ADGRL3: variants seen among roughly 807,000 people sequenced by gnomAD.
ADGRL3 encodes the protein adhesion G protein-coupled receptor L3, also known as calcium-independent alpha-latrotoxin receptor 3.
Under a neutral mutation model 153.5 loss-of-function variants are expected in ADGRL3, and 62 were observed. The ratio of observed to expected loss-of-function variants is 0.40; its 90% CI spans 0.33 to 0.50. The LOEUF (loss-of-function observed/expected upper bound fraction) is 0.50. ADGRL3 is among the 20% of genes least tolerant of loss of function. ADGRL3 has a pLI of 0.47. For missense variants in ADGRL3, 1,641 were observed against 1,859.4 expected (o/e 0.88, Z 2.16); for synonymous variants, 710 against 672.5 (o/e 1.06, Z -0.86).
At chr4:61,217,847 G>A (rs12499516) in intron 1 of ADGRL3, among the ~76,000 whole-genome samples, 63,921 of 151,974 alleles carry the variant, frequency 0.42, 13,844 homozygotes, top group Middle Eastern at 0.54. Context: ...CCTGAGAAAC[G>A]CTGTAGAAAT....
chr4:61,432,669 T>C (rs1440138010), intron 2 of ADGRL3, among the ~76,000 whole-genome samples: 4 of 144,192 alleles, frequency 2.8e-5, no homozygotes, highest in Admixed American at 2.1e-4. Flanking sequence ...TTTTTTTTTT[T>C]TGAGACAGAA....
intron 8 of ADGRL3, among the ~76,000 whole-genome samples, chr4:61,809,884 A>G (rs1161529287): frequency 6.6e-6 from 1 of 152,134 alleles, no homozygotes; most frequent in Non-Finnish European, 1.5e-5. Flanking sequence ...ACCTACGTAT[A>G]AATTCATCTA....
Position 62,071,030 on chromosome 4 carries a change from A to C in ADGRL3, c.*122A>C. ...TCTTTATGCTGTCCTCTAAAGACAA[A>C]CACAAACTCTCAGACTTTTTTTTTT... On this transcript the variant is annotated 3_prime_UTR_variant, in exon 27 of 27. Coordinates refer to ENST00000683033, the MANE Select transcript of ADGRL3 (RefSeq NM_001387552.1). 1.1e-6 allele frequency: 1 copy of C among 890,736 alleles called. No homozygotes were observed. The highest frequency in any genetic ancestry group is 1.7e-6 in the Non-Finnish European group (1 of 603,408). The allele number at this position is 890,736 out of a possible 1,614,324, so 55.2% of individuals were successfully genotyped here.
chr4:61,364,975 C>T (rs777902303), intron 1 of ADGRL3, among the ~76,000 whole-genome samples: 3 of 152,054 alleles, frequency 2.0e-5, no homozygotes, highest in Admixed American at 2.0e-4. Context: ...AAACCTTAGC[C>T]TGAGGTTGAA....
chr4:61,429,319 A>G (rs535138718), intron 2 of ADGRL3, among the ~76,000 whole-genome samples: 8 of 152,160 alleles, frequency 5.3e-5, no homozygotes, highest in Non-Finnish European at 1.0e-4. Context: ...TCATTGCACC[A>G]TGTTGCCTAC....
intron 2 of ADGRL3, among the ~76,000 whole-genome samples, chr4:61,410,653 T>C (rs1222453496): frequency 6.6e-6 from 1 of 152,182 alleles, no homozygotes; most frequent in Admixed American, 6.5e-5. Flanking sequence ...GGACAGGTGA[T>C]CTCCAAGTGA....
chr4:61,284,945 T>G (rs1292834179), intron 1 of ADGRL3, among the ~76,000 whole-genome samples: 4 of 150,458 alleles, frequency 2.7e-5, no homozygotes, highest in African/African-American at 1.0e-4. Context: ...CTCTTTGTTT[T>G]TTCATGTATG....
At chr4:61,847,118 G>T (rs948721434) in intron 9 of ADGRL3, among the ~76,000 whole-genome samples, 1 of 151,732 alleles carries the variant, frequency 6.6e-6, no homozygotes, top group African/African-American at 2.4e-5. Flanking sequence ...TATCATATGG[G>T]TATTAGATAA....
At chr4:61,616,894 A>G (rs1164076287) in intron 5 of ADGRL3, among the ~76,000 whole-genome samples, 3 of 152,068 alleles carry the variant, frequency 2.0e-5, no homozygotes, top group African/African-American at 7.2e-5. Context: ...GCCTCGAGCA[A>G]TACTTCTGCC....
intron 8 of ADGRL3, among the ~76,000 whole-genome samples, chr4:61,758,865 G>T (rs2096872695): frequency 6.6e-6 from 1 of 152,152 alleles, no homozygotes; most frequent in Non-Finnish European, 1.5e-5. Context: ...GCTCTTGTAG[G>T]GCAGGCCTGG....
chr4:62,010,763 C>A (rs1033341742), intron 21 of ADGRL3, among the ~76,000 whole-genome samples: 1 of 152,034 alleles, frequency 6.6e-6, no homozygotes, highest in African/African-American at 2.4e-5. Context: ...GTAGAACTCA[C>A]TCTAATATTT....
rs374022742 is a variant in ADGRL3, at chr4:61,247,849, G to T, written c.-240+46084G>T. Among the ~76,000 whole-genome samples, 19 of 152,102 alleles carry T rather than the reference G, an allele frequency of 1.2e-4. No individual in the cohort carries two copies. In the East Asian group the frequency reaches 2.9e-3, roughly 23 times the overall value. On this transcript the variant is annotated intron_variant, in intron 1 of 26. Coordinates refer to ENST00000683033, the MANE Select transcript of ADGRL3 (RefSeq NM_001387552.1). ...TTTATACATCAGGAGCAATTGTCAA[G>T]AATGATACCATAACGATACTTTATA...
chr4:61,665,594 C>G (rs1014550963), intron 5 of ADGRL3, among the ~76,000 whole-genome samples: 2 of 152,142 alleles, frequency 1.3e-5, no homozygotes, highest in Non-Finnish European at 2.9e-5. Context: ...CTGGTTAAAT[C>G]TCTGAATTAA....
chr4:61,580,284 A>G (rs1031770074), intron 4 of ADGRL3, among the ~76,000 whole-genome samples: 2 of 151,954 alleles, frequency 1.3e-5, no homozygotes, highest in Admixed American at 1.3e-4. Context: ...TCTTTTTTTC[A>G]TATGATCAGT....
At chr4:61,392,325 C>T (rs943232407) in intron 2 of ADGRL3, among the ~76,000 whole-genome samples, 2 of 151,912 alleles carry the variant, frequency 1.3e-5, no homozygotes, top group Admixed American at 1.3e-4. Context: ...CTGTTTTATT[C>T]TAATTAAAGC....
At chr4:61,820,967 A>G (rs1324006883) in intron 9 of ADGRL3, among the ~76,000 whole-genome samples, 2 of 152,206 alleles carry the variant, frequency 1.3e-5, no homozygotes, top group African/African-American at 4.8e-5. Context: ...TGTTAAAGGT[A>G]AATCAGAATC....
chr4:61,853,045 T>C (rs973988557), intron 9 of ADGRL3, among the ~76,000 whole-genome samples: 4 of 151,970 alleles, frequency 2.6e-5, no homozygotes, highest in African/African-American at 9.7e-5. Context: ...TGAGACAGAG[T>C]CTCGCTCTGT....
intron 6 of ADGRL3, among the ~76,000 whole-genome samples, chr4:61,684,422 T>G (rs2095406056): frequency 6.6e-6 from 1 of 152,106 alleles, no homozygotes; most frequent in African/African-American, 2.4e-5. Context: ...CAGGACTCTG[T>G]GTTCCTGCTA....
At chr4:61,429,461 A>C (rs903140092) in intron 2 of ADGRL3, among the ~76,000 whole-genome samples, 1 of 152,136 alleles carries the variant, frequency 6.6e-6, no homozygotes, top group Non-Finnish European at 1.5e-5. Flanking sequence ...TTCATGTATT[A>C]TGTATCTTTT....
Sources: allele counts gnomAD v4.1 joint callset (sites outside exome capture counted in the v4.1 genomes callset), GRCh38; gene constraint gnomAD v4.1.1; transcripts MANE v1.5; gene names NCBI Gene and HGNC (gene_info 2026-07-23, HGNC 2026-07-21).